CACNB2: variants seen among roughly 807,000 people sequenced by gnomAD.
The protein encoded by CACNB2 is voltage-dependent L-type calcium channel subunit beta-2.
A neutral mutation model predicts 73.3 loss-of-function variants in CACNB2; 42 were observed. The observed-to-expected ratio is 0.57, with a 90% confidence interval of 0.45 to 0.74. The LOEUF (loss-of-function observed/expected upper bound fraction) is 0.74. CACNB2 is among the 30% of genes least tolerant of loss of function. The pLI, the probability that CACNB2 is intolerant of heterozygous loss-of-function variation, is 0.00. For missense variants in CACNB2, 940 were observed against 853.0 expected (o/e 1.10, Z -1.27); for synonymous variants, 348 against 310.3 (o/e 1.12, Z -1.28).
chr10:18,172,254 C>T lies in CACNB2; in HGVS notation c.213+21279C>T, dbSNP rs569266676. On this transcript the variant is annotated intron_variant, in intron 2 of 13. Transcript: ENST00000324631. ...TGGCAAGTGCCTGTAGTCCCAGCTACTCAGGAGGCTGAGGTGGGAGGATCA... is the reference window on the plus strand; with the variant it reads ...TGGCAAGTGCCTGTAGTCCCAGCTATTCAGGAGGCTGAGGTGGGAGGATCA... Among the ~76,000 whole-genome samples, 5 of 152,262 alleles carry T rather than the reference C, an allele frequency of 3.3e-5. No individual in the cohort carries two copies. In the South Asian group the frequency reaches 8.3e-4, roughly 25 times the overall value.
intron 2 of CACNB2, among the ~76,000 whole-genome samples, chr10:18,208,531 G>C (rs1218927464): frequency 1.3e-5 from 2 of 152,070 alleles, no homozygotes; most frequent in African/African-American, 2.4e-5. Flanking sequence ...AGGATTGCTT[G>C]AGCCCAGGAG....
chr10:18,427,015 G>T (rs1234848895), intron 3 of CACNB2, among the ~76,000 whole-genome samples: 7 of 125,916 alleles, frequency 5.6e-5, no homozygotes, highest in Non-Finnish European at 7.8e-5. Flanking sequence ...GAGTGCAGTG[G>T]TGCGATCTCG....
At chr10:18,357,421 T>C (rs2132184586) in intron 2 of CACNB2, among the ~76,000 whole-genome samples, 1 of 152,368 alleles carries the variant, frequency 6.6e-6, no homozygotes, top group East Asian at 1.9e-4. Context: ...TGGGTTATTA[T>C]GCTGGCATAA....
intron 9 of CACNB2, among the ~76,000 whole-genome samples, chr10:18,526,769 TTA>T (rs927727292): frequency 3.1e-4 from 47 of 152,314 alleles, no homozygotes; most frequent in African/African-American, 1.1e-3. Flanking sequence ...CCTTTATTAT[TTA>T]TCTCTGCCAC....
At chr10:18,296,364 A>G (rs2039281239) in intron 2 of CACNB2, among the ~76,000 whole-genome samples, 1 of 152,148 alleles carries the variant, frequency 6.6e-6, no homozygotes, top group Non-Finnish European at 1.5e-5. Context: ...CACACTTGAC[A>G]GGAAATCATA....
intron 2 of CACNB2, among the ~76,000 whole-genome samples, chr10:18,359,298 G>T (rs1279245394): frequency 1.3e-5 from 2 of 152,062 alleles, no homozygotes; most frequent in African/African-American, 4.8e-5. Context: ...TTGACACAGG[G>T]TCTCCTTCTG....
rs2030272751 is a variant in CACNB2, at chr10:18,140,559, T to G, written c.-178T>G. ...GATGCCCCGGCCCCGTCCCGCGCACTGAGCGCCTGGCAGCAGGGCGCCGAG... is the reference window on the plus strand; with the variant it reads ...GATGCCCCGGCCCCGTCCCGCGCACGGAGCGCCTGGCAGCAGGGCGCCGAG... On this transcript the variant is annotated 5_prime_UTR_variant, in exon 1 of 14. An upstream open reading frame in the 5' UTR loses its in-frame stop. Coordinates refer to ENST00000324631, the MANE Select transcript of CACNB2 (RefSeq NM_201596.3). The G allele has an allele frequency of 2.4e-6, 1 of 410,162 alleles. No homozygotes were observed. The highest frequency in any genetic ancestry group is 4.2e-6 in the Non-Finnish European group (1 of 239,956). 25.4% of individuals were successfully genotyped at this position (410,162 alleles called of 1,614,324 possible).
chr10:18,328,569 A>G lies in CACNB2; in HGVS notation c.214-73355A>G, dbSNP rs182907295. 2.6e-5 allele frequency among the ~76,000 whole-genome samples: 4 copies of G among 152,348 alleles called. No homozygotes were observed. The East Asian group carries it at 5.8e-4, about 22-fold the overall frequency. On this transcript the variant is annotated intron_variant, in intron 2 of 13. Coordinates refer to ENST00000324631, the MANE Select transcript of CACNB2 (RefSeq NM_201596.3). ...ACTTACACTGTTTGTCTACACAGGCACTTAAAGGGTCCTGCTTACTAGGGT... is the reference window on the plus strand; with the variant it reads ...ACTTACACTGTTTGTCTACACAGGCGCTTAAAGGGTCCTGCTTACTAGGGT...
intron 3 of CACNB2, among the ~76,000 whole-genome samples, chr10:18,421,523 C>T (rs1406903781): frequency 6.6e-6 from 1 of 152,126 alleles, no homozygotes; most frequent in African/African-American, 2.4e-5. Flanking sequence ...TGGTCTCAAA[C>T]TCCCGACCTC....
chr10:18,370,531 CTT>C (rs919589031), intron 2 of CACNB2, among the ~76,000 whole-genome samples: 47 of 152,358 alleles, frequency 3.1e-4, no homozygotes, highest in African/African-American at 1.1e-3. Context: ...AACTCCTAGA[CTT>C]AAGTGATCCT....
chr10:18,158,789 A>AG (rs2032241164), intron 2 of CACNB2, among the ~76,000 whole-genome samples: 1 of 152,238 alleles, frequency 6.6e-6, no homozygotes, highest in African/African-American at 2.4e-5. Flanking sequence ...AAGAGTAACA[A>AG]GTCCTGCTTG....
Position 18,171,766 on chromosome 10 carries a change from G to A in CACNB2, c.213+20791G>A, listed in dbSNP as rs79526068. Among the ~76,000 whole-genome samples the A allele has an allele frequency of 3.2e-3, 485 of 152,072 alleles. 2 individuals are homozygous for A. The highest frequency in any genetic ancestry group is 0.011 in the African/African-American group (468 of 41,502). The stretch of plus-strand genomic sequence containing the variant: ...ACAATTCTGAGTTTAATGCAGAAAG[G>A]AGGGTGGGAATTGTTACCCGGAGAA... On this transcript the variant is annotated intron_variant, in intron 2 of 13. Transcript: ENST00000324631.
At chr10:18,252,366 A>C (rs2037123081) in intron 2 of CACNB2, among the ~76,000 whole-genome samples, 1 of 150,734 alleles carries the variant, frequency 6.6e-6, no homozygotes, top group Non-Finnish European at 1.5e-5. Flanking sequence ...CATTTGGTTT[A>C]TTTTAAGCTT....
chr10:18,184,649 GTTTTTTTTTTT>G (rs201899870), intron 2 of CACNB2, among the ~76,000 whole-genome samples: 1 of 87,778 alleles, frequency 1.1e-5, no homozygotes, highest in African/African-American at 4.7e-5. Context: ...CTCAGACTTT[GTTTTTTTTTTT>G]TTTTTTTTTT....
intron 3 of CACNB2, among the ~76,000 whole-genome samples, chr10:18,471,027 G>A (rs190293303): frequency 3.9e-5 from 6 of 152,192 alleles, no homozygotes; most frequent in Non-Finnish European, 7.4e-5. Flanking sequence ...ACACAGGGCC[G>A]GGTGCGGTGG....
At chr10:18,331,467 A>C (rs1192096304) in intron 2 of CACNB2, among the ~76,000 whole-genome samples, 2 of 151,840 alleles carry the variant, frequency 1.3e-5, no homozygotes, top group African/African-American at 4.8e-5. Flanking sequence ...TAAAAAAAAA[A>C]AAAAAGGATG....
chr10:18,297,301 T>G (rs1426521556), intron 2 of CACNB2, among the ~76,000 whole-genome samples: 1 of 152,166 alleles, frequency 6.6e-6, no homozygotes, highest in African/African-American at 2.4e-5. Flanking sequence ...TCCCAGCACT[T>G]TGGGAGGCCA....
chr10:18,294,386 C>T lies in CACNB2; in HGVS notation c.214-107538C>T, dbSNP rs558198466. Among the ~76,000 whole-genome samples the T allele has an allele frequency of 3.9e-5, 6 of 152,258 alleles. No homozygotes were observed. The South Asian group carries it at 1.0e-3, about 26-fold the overall frequency. ...ATCAGATCATCCTGGTACAAGGGTT[C>T]GACATTCATTCAACAAATGTTCACA... is the stretch of plus-strand genomic sequence containing the variant. On this transcript the variant is annotated intron_variant, in intron 2 of 13. Transcript: ENST00000324631.
chr10:18,150,855 C>CTTTTTTTTTTTTGTTTTTTTTTTTT (rs2031469235), intron 1 of CACNB2, 28 bp from the exon 2 acceptor site: 1 of 429,512 alleles, frequency 2.3e-6, no homozygotes, highest in African/African-American at 4.8e-5. Context: ...TCTTATTTGT[C>CTTTTTTTTTTTTGTTTTTTTTTTTT]TTTTTTTTTT....
Sources: allele counts gnomAD v4.1 joint callset (sites outside exome capture counted in the v4.1 genomes callset), GRCh38; gene constraint gnomAD v4.1.1; transcripts MANE v1.5; gene names NCBI Gene and HGNC (gene_info 2026-07-23, HGNC 2026-07-21).